Variants in PCDHGA11 observed in about 807,000 individuals in gnomAD.
PCDHGA11 encodes protocadherin gamma subfamily A, 11, also known as protocadherin gamma-A11.
PCDHGA11 carries 39 observed loss-of-function variants against 60.4 expected under a neutral mutation model. The observed-to-expected ratio is 0.65, with a 90% CI of 0.50 to 0.84. The LOEUF (loss-of-function observed/expected upper bound fraction) is 0.84. Among genes scored for constraint, PCDHGA11 ranks in the 40% least tolerant of loss-of-function variants. The probability of loss-of-function intolerance (pLI) is 0.00; values close to 1 mark genes in which losing one functional copy is unlikely to be tolerated. For synonymous variants in PCDHGA11, 533 were observed against 510.3 expected, an observed-to-expected ratio of 1.04 and a Z score of -0.60; for missense variants, 1,165 against 1,197.7, an observed-to-expected ratio of 0.97 and a Z score of 0.40.
chr5:141,505,302 G>GTAC, intron 2 of PCDHGA11, 91 bp from the exon 3 acceptor site: 5 of 1,592,714 alleles, frequency 3.1e-6, no homozygotes, highest in Non-Finnish European at 4.3e-6. Context: ...TAGGGTTAGG[G>GTAC]TACTAGGTTT....
Position 141,421,318 on chromosome 5 carries a change from C to T in PCDHGA11, c.91C>T (p.Gln31Ter), listed in dbSNP as rs370020854. 5.6e-6 allele frequency: 9 copies of T among 1,613,824 alleles called. No homozygotes were observed. In the East Asian group the frequency reaches 2.0e-4, roughly 36 times the overall value. The change falls in exon 1 of 4, where the codon CAG becomes TAG. Residue 31 changes from glutamine (Q) to a stop codon, truncating the protein, a stop_gained. Coordinates refer to ENST00000398587, the MANE Select transcript of PCDHGA11 (RefSeq NM_018914.3). LOFTEE classifies it high-confidence loss of function. ...LGTLRGFRARQIRYSVPEETE... is the reference protein window; with the variant it reads ...LGTLRGFRAR ...GACGCTGCGGGGGTTCCGGGCCAGG[C>T]AGATCCGATATTCGGTGCCAGAAGA...
At chr5:141,428,540 C>T (rs1561836755) in intron 1 of PCDHGA11, 6 of 268,146 alleles carry the variant, frequency 2.2e-5, no homozygotes, top group South Asian at 8.6e-5. Context: ...CTCACCATGA[C>T]ACCAGAAACA....
Position 141,476,279 on chromosome 5 carries a change from G to T in PCDHGA11, c.2434-18528G>T. The T allele has an allele frequency of 6.2e-7, 1 of 1,614,148 alleles. No individual in the cohort carries two copies. Among genetic ancestry groups the T allele is most frequent in the Non-Finnish European group, 8.5e-7 (1 of 1,180,024 alleles). On this transcript the variant is annotated intron_variant, in intron 1 of 3. Coordinates refer to ENST00000398587, the MANE Select transcript of PCDHGA11 (RefSeq NM_018914.3). This position sits in a 1 kb window ranked among gnomAD's most constrained non-coding sequence, Gnocchi z 7.6. ...TGTGGGCAACGTGGTCGCGAACCTT[G>T]GTTTGGATCTCGGTAGCCTCTCAGC...
chr5:141,432,586 C>T lies in PCDHGA11; in HGVS notation c.2433+8926C>T. The T allele has an allele frequency of 1.9e-6, 3 of 1,613,852 alleles. No homozygotes were observed. Among genetic ancestry groups the T allele is most frequent in the Non-Finnish European group, 2.5e-6 (3 of 1,179,972 alleles). On this transcript the variant is annotated intron_variant, in intron 1 of 3. Transcript: ENST00000398587. The surrounding 1 kb of genome is among the most constrained non-coding windows in gnomAD (Gnocchi z 6.0). ...ACGCCTGGCTGTCCTACCGTCTGCT[C>T]AAGGCCAGCGAGCCGGGACTCTTCT...
In PCDHGA11 at chr5:141,487,470, G is replaced by C; in HGVS notation, c.2434-7337G>C. ...GACCCTATCAAGTTTGTTGATGTGG[G>C]AGGCCACTCTCATGGCTGTACACCC... On this transcript the variant is annotated intron_variant, in intron 1 of 3. Coordinates refer to ENST00000398587, the MANE Select transcript of PCDHGA11 (RefSeq NM_018914.3). The surrounding 1 kb of genome is among the most constrained non-coding windows in gnomAD (Gnocchi z 5.0). The C allele has an allele frequency of 1.9e-6, 3 of 1,614,162 alleles. No individual in the cohort carries two copies. Among genetic ancestry groups the C allele is most frequent in the South Asian group, 1.1e-5 (1 of 91,084 alleles).
At chr5:141,502,082 G>A (rs538827992) in intron 2 of PCDHGA11, among the ~76,000 whole-genome samples, 1 of 152,252 alleles carries the variant, frequency 6.6e-6, no homozygotes, top group Non-Finnish European at 1.5e-5. Flanking sequence ...ACCTGGGGCT[G>A]AGAACACCTG....
intron 1 of PCDHGA11, among the ~76,000 whole-genome samples, chr5:141,456,124 C>G (rs2098844023): frequency 6.6e-6 from 1 of 152,072 alleles, no homozygotes. Context: ...GTCTCCATCT[C>G]CTGACCTCCT....
Position 141,423,553 on chromosome 5 carries a change from T to G in PCDHGA11, c.2326T>G (p.Tyr776Asp). 4 of 1,613,548 alleles carry G rather than the reference T, an allele frequency of 2.5e-6. No individual in the cohort carries two copies. The highest frequency in any genetic ancestry group is 3.4e-6 in the Non-Finnish European group (4 of 1,179,698). Reference sequence around the variant, plus strand: ...TCACCTGATTTTCCCCCAGCCCAACTATGGGGACACGCTCATCAGCCAGGA... The same window carrying G: ...TCACCTGATTTTCCCCCAGCCCAACGATGGGGACACGCTCATCAGCCAGGA... ...KSHLIFPQPN[Y>D]GDTLISQESC... is the part of the protein sequence containing the mutation. The change falls in exon 1 of 4, where the codon TAT becomes GAT. Residue 776 changes from tyrosine to aspartate, a missense_variant. By Grantham distance (160) the Tyr-to-Asp change is radical. Transcript: ENST00000398587.
At position 141,432,307 on chromosome 5, in the gene PCDHGA11, G is replaced by A. The variant is rs2097484688; in HGVS notation, c.2433+8647G>A. On this transcript the variant is annotated intron_variant, in intron 1 of 3. Transcript: ENST00000398587. The surrounding 1 kb of genome is among the most constrained non-coding windows in gnomAD (Gnocchi z 6.0). ...ACTCCGACACTGGGGTACTGTATGC[G>A]CTGAGCTCCTTCGACTACGAGCAGT... The A allele has an allele frequency of 5.0e-6, 8 of 1,614,240 alleles. No individual in the cohort carries two copies. Among genetic ancestry groups the A allele is most frequent in the South Asian group, 1.1e-5 (1 of 91,086 alleles).
rs761399164 is a variant in PCDHGA11 at position 141,421,236 on chromosome 5, TCGGCTACAG to T, written c.12_20del (p.Leu5_Arg7del). ...TCGGCTTAGAGCCTGCCATGGCGAA[TCGGCTACAG>T]CGCGGGGACCGCAGTCGGCTGCTGC... is the stretch of plus-strand genomic sequence containing the variant. On this transcript the variant is annotated inframe_deletion, in exon 1 of 4. Coordinates refer to ENST00000398587, the MANE Select transcript of PCDHGA11 (RefSeq NM_018914.3). The T allele has an allele frequency of 3.8e-5, 60 of 1,594,916 alleles. No individual in the cohort carries two copies. Among genetic ancestry groups the T allele is most frequent in the Non-Finnish European group, 5.1e-5 (60 of 1,172,540 alleles).
At chr5:141,448,480 C>A (rs889742803) in intron 1 of PCDHGA11, among the ~76,000 whole-genome samples, 1 of 152,184 alleles carries the variant, frequency 6.6e-6, no homozygotes, top group Admixed American at 6.6e-5. Flanking sequence ...ACCCTTGCTT[C>A]CTCCTGTCCC....
intron 1 of PCDHGA11, among the ~76,000 whole-genome samples, chr5:141,450,487 G>A (rs1379694010): frequency 1.3e-5 from 2 of 151,938 alleles, no homozygotes; most frequent in African/African-American, 2.4e-5. Context: ...TTGTTTGTTT[G>A]TCTGTTTGTT....
At chr5:141,428,141 G>C (rs1314061143) in intron 1 of PCDHGA11, 2 of 1,596,500 alleles carry the variant, frequency 1.3e-6, no homozygotes, top group African/African-American at 2.7e-5. Context: ...GCCTGGGGCT[G>C]CACACGGGAA....
intron 1 of PCDHGA11, chr5:141,468,401 C>G (rs943048252): frequency 6.7e-6 from 1 of 149,126 alleles, no homozygotes; most frequent in Non-Finnish European, 1.5e-5. Flanking sequence ...TTGGTGAGAA[C>G]TAATAATAAG....
chr5:141,487,812 T>A lies in PCDHGA11; in HGVS notation c.2434-6995T>A. ...TAACCAGAGTTGTCACAGTTTAGCA[T>A]TGGGGGCGGGTCATGCCTATATCTG... On this transcript the variant is annotated intron_variant, in intron 1 of 3. Coordinates refer to ENST00000398587, the MANE Select transcript of PCDHGA11 (RefSeq NM_018914.3). The surrounding 1 kb of genome is among the most constrained non-coding windows in gnomAD (Gnocchi z 5.0). 1 of 1,408,206 alleles carries A rather than the reference T, an allele frequency of 7.1e-7. No individual in the cohort carries two copies. The highest frequency in any genetic ancestry group is 9.7e-7 in the Non-Finnish European group (1 of 1,036,248). 87.2% of individuals were successfully genotyped at this position (1,408,206 alleles called of 1,614,324 possible). A position where few individuals can be genotyped will look rare whatever the true frequency, so the allele number is the denominator to read the frequency against.
At chr5:141,426,423 G>T in intron 1 of PCDHGA11, 1 of 290,954 alleles carries the variant, frequency 3.4e-6, no homozygotes, top group Non-Finnish European at 6.8e-6. Context: ...AGGGCTCCGT[G>T]GTGGGGAACC....
At position 141,491,733 on chromosome 5, in the gene PCDHGA11, TGGGGGCGGCAC is replaced by T; in HGVS notation, c.2434-3073_2434-3063del. 1.9e-6 allele frequency: 3 copies of T among 1,602,698 alleles called. No individual in the cohort carries two copies. The highest frequency in any genetic ancestry group is 2.6e-6 in the Non-Finnish European group (3 of 1,175,258). On this transcript the variant is annotated intron_variant, in intron 1 of 3. Coordinates refer to ENST00000398587, the MANE Select transcript of PCDHGA11 (RefSeq NM_018914.3). The surrounding 1 kb of genome is among the most constrained non-coding windows in gnomAD (Gnocchi z 6.9). ...GCTCGGCGCCGCCCCGGGCGACCCC[TGGGGGCGGCAC>T]TGGAGAAGCCGCCCGTCCTCATAAG...
At chr5:141,495,240 C>T (rs2099759761) in intron 2 of PCDHGA11, among the ~76,000 whole-genome samples, 1 of 152,182 alleles carries the variant, frequency 6.6e-6, no homozygotes, top group South Asian at 2.1e-4. Context: ...TCCATTATGA[C>T]CTGGGGCTCA....
At chr5:141,468,560 T>TA (rs2099169084) in intron 1 of PCDHGA11, 1 of 152,004 alleles carries the variant, frequency 6.6e-6, no homozygotes, top group Non-Finnish European at 1.5e-5. Context: ...ATTTGTGATA[T>TA]AGTAAACAAT....
Sources: gnomAD v4.1 joint callset for allele counts (sites outside exome capture counted in the v4.1 genomes callset) on GRCh38, gnomAD v4.1.1 for gene constraint, Gnocchi (gnomAD v3.1) non-coding constraint, MANE v1.5 for transcripts, NCBI Gene and HGNC (gene_info 2026-07-23, HGNC 2026-07-21) for gene names.